Variants in CCDC66 observed in about 807,000 individuals in gnomAD.
CCDC66 encodes the protein coiled-coil domain-containing protein 66.
In CCDC66, 133 loss-of-function variants were observed where a neutral mutation model predicts 128.3. That is an observed-to-expected ratio of 1.04 (90% CI 0.90 to 1.20). The LOEUF (loss-of-function observed/expected upper bound fraction) is 1.20. CCDC66 is among the 50% of genes most tolerant of loss of function. The probability of loss-of-function intolerance (pLI) is 0.00; values close to 1 mark genes in which losing one functional copy is unlikely to be tolerated. For synonymous variants in CCDC66, 387 were observed against 357.0 expected (o/e 1.08, Z -0.95); for missense variants, 1,126 against 1,075.5 (o/e 1.05, Z -0.66).
chr3:56,584,918 C>T (rs1363549087), intron 7 of CCDC66, among the ~76,000 whole-genome samples: 2 of 151,920 alleles, frequency 1.3e-5, no homozygotes, highest in Non-Finnish European at 2.9e-5. Context: ...AGCGAAACCC[C>T]GTCTCCACCA....
intron 11 of CCDC66, 143 bp from the exon 12 acceptor site, chr3:56,614,985 C>A: frequency 1.6e-6 from 1 of 618,074 alleles, no homozygotes; most frequent in Non-Finnish European, 2.6e-6. Context: ...AGGGCAGGAA[C>A]TTTGCCTTGT....
intron 12 of CCDC66, 27 bp downstream of exon 12, chr3:56,615,299 AT>A: frequency 5.1e-6 from 8 of 1,555,070 alleles, no homozygotes; most frequent in Non-Finnish European, 7.0e-6. Flanking sequence ...AACTTTATTT[AT>A]AATATTTTTA....
At chr3:56,587,545 AC>A (rs758466439) in intron 7 of CCDC66, among the ~76,000 whole-genome samples, 30 of 149,410 alleles carry the variant, frequency 2.0e-4, no homozygotes, top group Non-Finnish European at 4.1e-4. Context: ...ACCAGATCTT[AC>A]CATGAAAAAC....
intron 7 of CCDC66, among the ~76,000 whole-genome samples, chr3:56,578,686 G>A (rs1478548722): frequency 6.6e-6 from 1 of 151,792 alleles, no homozygotes; most frequent in African/African-American, 2.4e-5. Flanking sequence ...TTTGTCATTG[G>A]TTCTGCTTAT....
intron 4 of CCDC66, among the ~76,000 whole-genome samples, chr3:56,565,434 C>T (rs193090774): frequency 1.9e-4 from 27 of 138,642 alleles, no homozygotes; most frequent in African/African-American, 5.8e-4. Flanking sequence ...CCACCACACC[C>T]GGCTAACTTT....
chr3:56,618,019 T>G, intron 14 of CCDC66, 153 bp from the exon 15 acceptor site: 2 of 665,022 alleles, frequency 3.0e-6, no homozygotes, highest in Non-Finnish European at 5.3e-6. Flanking sequence ...TAGTTTTGAC[T>G]CTGGAAAAAA....
intron 7 of CCDC66, 82 bp from the exon 8 acceptor site, chr3:56,592,888 G>A (rs987572303): frequency 1.4e-6 from 2 of 1,453,988 alleles, no homozygotes; most frequent in Non-Finnish European, 1.9e-6. Context: ...AAATCTGTAT[G>A]TTACTTTGGC....
chr3:56,574,520 A>G (rs2107908265), intron 7 of CCDC66, among the ~76,000 whole-genome samples: 1 of 151,964 alleles, frequency 6.6e-6, no homozygotes, highest in Admixed American at 6.6e-5. Flanking sequence ...CTGTAGCCAC[A>G]ACTATTTATA....
intron 7 of CCDC66, chr3:56,572,389 G>A (rs1329442536): frequency 1.6e-6 from 2 of 1,289,420 alleles, no homozygotes; most frequent in Non-Finnish European, 2.0e-6. Context: ...GGTCCAAGCT[G>A]ATGGGGCATT....
At chr3:56,563,332 G>T (rs1488449122) in intron 3 of CCDC66, among the ~76,000 whole-genome samples, 1 of 151,184 alleles carries the variant, frequency 6.6e-6, no homozygotes, top group Non-Finnish European at 1.5e-5. Flanking sequence ...TTGCACTCCA[G>T]CCTGGGCAAC....
intron 10 of CCDC66, among the ~76,000 whole-genome samples, chr3:56,613,284 GAT>G (rs1559759923): frequency 6.6e-6 from 1 of 152,198 alleles, no homozygotes; most frequent in Non-Finnish European, 1.5e-5. Context: ...AGGAGTCCTT[GAT>G]GGGCATGTGG....
chr3:56,585,710 GT>G (rs1168517153), intron 7 of CCDC66, among the ~76,000 whole-genome samples: 1 of 151,752 alleles, frequency 6.6e-6, no homozygotes. Flanking sequence ...ATTTATAAGG[GT>G]TTAATAAATA....
intron 7 of CCDC66, among the ~76,000 whole-genome samples, chr3:56,573,573 T>G (rs1010590676): frequency 6.6e-6 from 1 of 152,206 alleles, no homozygotes; most frequent in South Asian, 2.1e-4. Flanking sequence ...ACAAAAAATG[T>G]CAGCGTTAGC....
Position 56,563,950 on chromosome 3 carries a change from C to T in CCDC66, c.369C>T (p.Asn123=), listed in dbSNP as rs752186926. 9.9e-6 allele frequency: 16 copies of T among 1,613,770 alleles called. 2 individuals are homozygous for T. In the Admixed American group the frequency reaches 1.3e-4, roughly 13 times the overall value. The part of the protein sequence containing the change: ...PATPNMQKTR[N]TVNTSLVGKQ... Reference sequence around the variant, plus strand: ...CCCCTAATATGCAGAAGACTAGAAACACCGTAAATACATCTCTAGTAGGTA... The same window carrying T: ...CCCCTAATATGCAGAAGACTAGAAATACCGTAAATACATCTCTAGTAGGTA... Residue 123 remains asparagine (N), a synonymous_variant, in exon 4 of 18, where the codon AAC becomes AAT. Transcript: ENST00000394672.
intron 6 of CCDC66, chr3:56,569,507 C>CACCAA (rs1348361417): frequency 6.4e-6 from 1 of 156,290 alleles, no homozygotes; most frequent in African/African-American, 2.4e-5. Flanking sequence ...AAGGGGATGG[C>CACCAA]ACCAAGCCAT....
At chr3:56,577,494 G>C (rs1012581860) in intron 7 of CCDC66, among the ~76,000 whole-genome samples, 3 of 150,724 alleles carry the variant, frequency 2.0e-5, no homozygotes, top group African/African-American at 4.8e-5. Context: ...TTTTGTCCAT[G>C]ATGTCCTGAA....
chr3:56,608,180 A>G (rs545570142), intron 10 of CCDC66, among the ~76,000 whole-genome samples: 22 of 152,100 alleles, frequency 1.4e-4, no homozygotes, highest in Non-Finnish European at 1.9e-4. Flanking sequence ...TTCTTTCTCC[A>G]TCTTGTGGAA....
At chr3:56,619,726 T>C in intron 16 of CCDC66, 51 bp from the exon 17 acceptor site, 1 of 1,603,628 alleles carries the variant, frequency 6.2e-7, no homozygotes, top group African/African-American at 1.3e-5. Context: ...CACAGGGCTA[T>C]GTCATTTTAC....
At chr3:56,590,398 G>C (rs763179088) in intron 7 of CCDC66, among the ~76,000 whole-genome samples, 13 of 152,128 alleles carry the variant, frequency 8.5e-5, no homozygotes, top group Non-Finnish European at 1.9e-4. Context: ...AAGACTGAAA[G>C]AATTACATTA....
Sources: gnomAD v4.1 joint callset for allele counts (sites outside exome capture counted in the v4.1 genomes callset) on GRCh38, gnomAD v4.1.1 for gene constraint, MANE v1.5 for transcripts, NCBI Gene and HGNC (gene_info 2026-07-23, HGNC 2026-07-21) for gene names.